Variants in USP40 observed in about 807,000 individuals in gnomAD.
USP40 encodes the protein ubiquitin carboxyl-terminal hydrolase 40.
In USP40, 143 loss-of-function variants were observed where a neutral mutation model predicts 166.2. The ratio of observed to expected loss-of-function variants is 0.86; its 90% CI spans 0.75 to 0.99. USP40 has a LOEUF of 0.99. USP40 is among the 50% of genes least tolerant of loss of function. The pLI is 0.00. For missense variants in USP40, 1,444 were observed against 1,479.7 expected (o/e 0.98, Z 0.40); for synonymous variants, 498 against 524.0 (o/e 0.95, Z 0.68).
At chr2:233,498,120 C>T (rs920995159) in intron 23 of USP40, among the ~76,000 whole-genome samples, 3 of 152,200 alleles carry the variant, frequency 2.0e-5, no homozygotes, top group African/African-American at 4.8e-5. Flanking sequence ...TTGGCTGGAT[C>T]GAGAGTTTGG....
At chr2:233,526,388 T>G (rs2068036337) in intron 13 of USP40, among the ~76,000 whole-genome samples, 1 of 152,076 alleles carries the variant, frequency 6.6e-6, no homozygotes, top group Admixed American at 6.6e-5. Flanking sequence ...TCTGCCTGTA[T>G]CAACAGTGCC....
At chr2:233,491,286 T>A (rs748832303) in intron 25 of USP40, 25 bp from the exon 26 acceptor site, 2 of 1,543,336 alleles carry the variant, frequency 1.3e-6, no homozygotes, top group Non-Finnish European at 1.8e-6. Context: ...AGCGGGATGT[T>A]TACAAGGAAC....
In USP40 at chr2:233,512,610, C is replaced by T. The variant is rs1408200379; in HGVS notation, c.2396G>A (p.Cys799Tyr). The T allele has an allele frequency of 2.0e-6, 3 of 1,521,322 alleles. No homozygotes were observed. The highest frequency in any genetic ancestry group is 2.7e-6 in the Non-Finnish European group (3 of 1,126,660). 94.2% of individuals were successfully genotyped at this position (1,521,322 alleles called of 1,614,324 possible). A position where few individuals can be genotyped will look rare whatever the true frequency, so the allele number is the denominator to read the frequency against. The change falls in exon 19 of 32, where the codon TGT (cysteine) becomes TAT (tyrosine). Residue 799 changes from cysteine to tyrosine, a missense_variant. Cys to Tyr is a radical substitution (Grantham distance 194). Coordinates refer to ENST00000678225, the MANE Select transcript of USP40 (RefSeq NM_001365479.2). The stretch of plus-strand genomic sequence containing the variant: ...CCCATTTCTATCAATAGGTCTCAAA[C>T]AGCTGTTGTCAGCTATATATAAAAG... Reference protein sequence around the residue: ...KLMKELADNSCLRPIDRNGKL... With the variant: ...KLMKELADNSYLRPIDRNGKL...
At chr2:233,509,517 A>G (rs977888190) in intron 21 of USP40, among the ~76,000 whole-genome samples, 6 of 152,178 alleles carry the variant, frequency 3.9e-5, no homozygotes, top group Non-Finnish European at 7.4e-5. Flanking sequence ...TATTATTGAT[A>G]GAAAGAAAAA....
At chr2:233,514,884 CT>C (rs2067080696) in intron 18 of USP40, among the ~76,000 whole-genome samples, 2 of 152,218 alleles carry the variant, frequency 1.3e-5, no homozygotes, top group Non-Finnish European at 2.9e-5. Flanking sequence ...ATCATCCCCC[CT>C]AAAACTCCCT....
chr2:233,536,227 A>C (rs2068924163), intron 10 of USP40, among the ~76,000 whole-genome samples: 1 of 152,194 alleles, frequency 6.6e-6, no homozygotes, highest in Non-Finnish European at 1.5e-5. Flanking sequence ...GATGAATAGA[A>C]TGGGTAAAGA....
intron 3 of USP40, among the ~76,000 whole-genome samples, 197 bp from the exon 4 acceptor site, chr2:233,560,121 T>C (rs1314298408): frequency 1.3e-5 from 2 of 152,234 alleles, no homozygotes; most frequent in African/African-American, 4.8e-5. Flanking sequence ...AAATAATAGT[T>C]ATTTGGAGTT....
In USP40 at chr2:233,527,574, C is replaced by G; in HGVS notation, c.1558G>C (p.Glu520Gln). The change falls in exon 13 of 32, where the codon GAA becomes CAA. Residue 520 changes from glutamate (E) to glutamine (Q), a missense_variant. Glu to Gln is a conservative substitution (Grantham distance 29). Coordinates refer to ENST00000678225, the MANE Select transcript of USP40 (RefSeq NM_001365479.2). ...ANIELQTKRAECDSANNTFEL... is the reference protein window; with the variant it reads ...ANIELQTKRAQCDSANNTFEL... The stretch of plus-strand genomic sequence containing the variant: ...AAAGTATTGTTTGCAGAATCACATT[C>G]TGCCCTTTAAAGAGGCACAAAAATA... 1 of 1,605,112 alleles carries G rather than the reference C, an allele frequency of 6.2e-7. No homozygotes were observed. Among genetic ancestry groups the G allele is most frequent in the Non-Finnish European group, 8.5e-7 (1 of 1,176,768 alleles).
In USP40 at chr2:233,523,189, C is replaced by G; in HGVS notation, c.2182G>C (p.Asp728His). The stretch of plus-strand genomic sequence containing the variant: ...AGTTACCTGTTATCATCATGAGAAT[C>G]CTGAATTAAAATTGAGCTTCCATTT... ...LRNGSSILIQ[D>H]SHDDNSLLTK... Residue 728 changes from aspartate to histidine, a missense_variant, in exon 16 of 32, where the codon GAT (aspartate) becomes CAT (histidine). Asp to His is a moderately conservative substitution (Grantham distance 81). Coordinates refer to ENST00000678225, the MANE Select transcript of USP40 (RefSeq NM_001365479.2). 1 of 1,610,430 alleles carries G rather than the reference C, an allele frequency of 6.2e-7. No homozygotes were observed. The highest frequency in any genetic ancestry group is 8.5e-7 in the Non-Finnish European group (1 of 1,177,242).
intron 1 of USP40, among the ~76,000 whole-genome samples, chr2:233,566,387 C>T (rs2072160729): frequency 6.6e-6 from 1 of 152,192 alleles, no homozygotes; most frequent in Non-Finnish European, 1.5e-5. Context: ...TTTTTCTTTT[C>T]CTCAGAAGAA....
intron 15 of USP40, among the ~76,000 whole-genome samples, chr2:233,524,286 T>A (rs1351658863): frequency 6.6e-6 from 1 of 152,112 alleles, no homozygotes; most frequent in Non-Finnish European, 1.5e-5. Flanking sequence ...TACGCTACCA[T>A]GCCTAGCTAA....
At chr2:233,516,995 T>C (rs531739475) in intron 18 of USP40, among the ~76,000 whole-genome samples, 1 of 152,246 alleles carries the variant, frequency 6.6e-6, no homozygotes, top group Non-Finnish European at 1.5e-5. Flanking sequence ...ACATATTTTG[T>C]TCATTTATGT....
chr2:233,483,596 C>A (rs77161574), intron 30 of USP40, among the ~76,000 whole-genome samples: 8,353 of 152,212 alleles, frequency 0.055, 617 homozygotes, highest in African/African-American at 0.17. Context: ...ACTGGATTGC[C>A]TGTTGACTAT....
chr2:233,482,211 CAT>C (rs1211226261), intron 30 of USP40, among the ~76,000 whole-genome samples: 1 of 152,070 alleles, frequency 6.6e-6, no homozygotes, highest in African/African-American at 2.4e-5. Context: ...GTAAATTGCA[CAT>C]GACACAAGTT....
At chr2:233,487,906 A>C (rs778312591) in intron 28 of USP40, 2 of 553,744 alleles carry the variant, frequency 3.6e-6, no homozygotes, top group Non-Finnish European at 7.1e-6. Context: ...GACGGGAGCA[A>C]TGATGAATCC....
chr2:233,502,884 C>T (rs1280421759), intron 21 of USP40, among the ~76,000 whole-genome samples: 2 of 151,688 alleles, frequency 1.3e-5, no homozygotes, highest in African/African-American at 4.8e-5. Flanking sequence ...AAAAGCTCCT[C>T]CCTACAATAG....
intron 5 of USP40, among the ~76,000 whole-genome samples, chr2:233,554,974 GA>G (rs956522168): frequency 6.6e-6 from 1 of 151,430 alleles, no homozygotes; most frequent in South Asian, 2.1e-4. Context: ...GAAGTTATAA[GA>G]AAAAAAAATT....
At chr2:233,501,781 G>T (rs1331611966) in intron 21 of USP40, among the ~76,000 whole-genome samples, 2 of 152,230 alleles carry the variant, frequency 1.3e-5, no homozygotes, top group African/African-American at 2.4e-5. Flanking sequence ...GTTTCAGGGA[G>T]AATAAGAAGA....
chr2:233,543,270 G>A (rs896361399), intron 8 of USP40, among the ~76,000 whole-genome samples: 3 of 152,130 alleles, frequency 2.0e-5, no homozygotes, highest in African/African-American at 7.2e-5. Flanking sequence ...GGAAAAATAT[G>A]GCAGGCCAGA....
Sources: allele counts gnomAD v4.1 joint callset (sites outside exome capture counted in the v4.1 genomes callset), GRCh38; gene constraint gnomAD v4.1.1; transcripts MANE v1.5; gene names NCBI Gene and HGNC (gene_info 2026-07-23, HGNC 2026-07-21).